The following KLF12 variants were observed in gnomAD, a reference collection of about 807,000 sequenced individuals.
KLF12 encodes KLF transcription factor 12.
In KLF12, 9 loss-of-function variants were observed where a neutral mutation model predicts 37.8. The observed-to-expected ratio is 0.24, with a 90% CI of 0.14 to 0.42. The LOEUF (loss-of-function observed/expected upper bound fraction) is 0.42. Ranked by LOEUF, KLF12 falls within the 10% of genes least tolerant of loss-of-function variation. The pLI is 1.00. For synonymous variants in KLF12, 208 were observed against 202.1 expected (o/e 1.03, Z -0.25); for missense variants, 411 against 516.0 (o/e 0.80, Z 1.97).
chr13:73,771,097 T>C (rs1880237725), intron 5 of KLF12, among the ~76,000 whole-genome samples: 1 of 152,170 alleles, frequency 6.6e-6, no homozygotes, highest in African/African-American at 2.4e-5. Flanking sequence ...GGTGATTAGC[T>C]GATGCTCAAC....
At chr13:74,086,620 T>C (rs1875320573) in intron 1 of KLF12, among the ~76,000 whole-genome samples, 1 of 152,120 alleles carries the variant, frequency 6.6e-6, no homozygotes, top group Admixed American at 6.5e-5. Context: ...ACTATTATAT[T>C]GCTCTTTGTA....
chr13:73,885,912 G>A (rs1887200738), intron 3 of KLF12, among the ~76,000 whole-genome samples: 1 of 152,146 alleles, frequency 6.6e-6, no homozygotes, highest in African/African-American at 2.4e-5. Context: ...AACTGGATGT[G>A]GAATGTGAAG....
At chr13:74,280,750 C>G in the KLF12 span, among the ~76,000 whole-genome samples, 1 of 151,772 alleles carries the variant, frequency 6.6e-6, no homozygotes, top group Non-Finnish European at 1.5e-5. Context: ...GTGAATTTTT[C>G]TATCTACCCT....
intron 1 of KLF12, among the ~76,000 whole-genome samples, chr13:74,060,324 T>A (rs1034855717): frequency 3.3e-5 from 5 of 152,186 alleles, no homozygotes; most frequent in Admixed American, 1.3e-4. Flanking sequence ...AGAAATTGTG[T>A]CGAATCTGTA....
chr13:74,163,143 T>G, the KLF12 span, among the ~76,000 whole-genome samples: 1 of 152,152 alleles, frequency 6.6e-6, no homozygotes, highest in African/African-American at 2.4e-5. Context: ...GGAATGCAAA[T>G]TAGTACAACT....
At chr13:73,853,820 T>C (rs1885464879) in intron 3 of KLF12, among the ~76,000 whole-genome samples, 1 of 152,116 alleles carries the variant, frequency 6.6e-6, no homozygotes, top group Non-Finnish European at 1.5e-5. Flanking sequence ...CATAAATGTG[T>C]TCCAGATAAA....
At chr13:74,000,061 C>A (rs900932122) in intron 1 of KLF12, among the ~76,000 whole-genome samples, 6 of 152,068 alleles carry the variant, frequency 3.9e-5, no homozygotes, top group Non-Finnish European at 7.4e-5. Flanking sequence ...AGCCCTCCTC[C>A]CCACTTTTTT....
At chr13:74,214,536 G>C in the KLF12 span, among the ~76,000 whole-genome samples, 10 of 152,110 alleles carry the variant, frequency 6.6e-5, no homozygotes, top group African/African-American at 2.4e-4. Flanking sequence ...GTTGGGAACA[G>C]AATTTTAGCG....
chr13:74,063,099 C>T (rs750204384), intron 1 of KLF12, among the ~76,000 whole-genome samples: 4 of 152,190 alleles, frequency 2.6e-5, no homozygotes, highest in Admixed American at 6.5e-5. Context: ...CCAGCTGCCT[C>T]GGTGCACCAT....
Position 73,916,412 on chromosome 13 carries a change from A to G in KLF12, c.123+27569T>C, listed in dbSNP as rs544584256. Among the ~76,000 whole-genome samples the G allele has an allele frequency of 1.7e-4, 26 of 152,284 alleles. No individual in the cohort carries two copies. In the East Asian group the frequency reaches 4.6e-3, roughly 27 times the overall value. ...ACCAGAGCTATCAAACATCTAGTAA[A>G]TATCTCTGCCTCACTATAGCAGAGG... On this transcript the variant is annotated intron_variant, in intron 3 of 7. Coordinates refer to ENST00000377669, the MANE Select transcript of KLF12 (RefSeq NM_007249.5).
intron 1 of KLF12, among the ~76,000 whole-genome samples, chr13:74,066,225 T>A (rs1873907652): frequency 6.6e-6 from 1 of 152,162 alleles, no homozygotes; most frequent in Non-Finnish European, 1.5e-5. Context: ...TCTCAAAAAG[T>A]CGACTGAAGC....
chr13:74,268,909 T>G, the KLF12 span, among the ~76,000 whole-genome samples: 3 of 152,208 alleles, frequency 2.0e-5, no homozygotes, highest in South Asian at 4.1e-4. Context: ...AGAGGGATTA[T>G]AGTGCTGTCT....
intron 1 of KLF12, 85 bp from the exon 2 acceptor site, chr13:73,995,138 A>G (rs906976675): frequency 2.2e-5 from 18 of 817,132 alleles, no homozygotes; most frequent in Non-Finnish European, 3.5e-5. Context: ...AATACATCTT[A>G]ATTCTACAGT....
rs1405577828 is a variant in KLF12 at position 73,734,612 on chromosome 13, C to G, written c.870-19087G>C. 2.0e-5 allele frequency among the ~76,000 whole-genome samples: 3 copies of G among 149,946 alleles called. No homozygotes were observed. In the Admixed American group the frequency reaches 2.0e-4, roughly 10 times the overall value. On this transcript the variant is annotated intron_variant, in intron 6 of 7. Coordinates refer to ENST00000377669, the MANE Select transcript of KLF12 (RefSeq NM_007249.5). ...AATATTTTTAAAATGTCTTTTCTTC[C>G]TTTTTTGGGGGGGTGGGGGAAACAT...
chr13:73,795,301 A>G (rs1258947341), intron 5 of KLF12, among the ~76,000 whole-genome samples: 1 of 152,210 alleles, frequency 6.6e-6, no homozygotes, highest in African/African-American at 2.4e-5. Context: ...ATTTAAATTC[A>G]CTGGAAATTC....
chr13:74,072,677 T>C lies in KLF12; in HGVS notation c.-32+61062A>G, dbSNP rs919060171. On this transcript the variant is annotated intron_variant, in intron 1 of 7. Coordinates refer to ENST00000377669, the MANE Select transcript of KLF12 (RefSeq NM_007249.5). Reference sequence around the variant, plus strand: ...GAGCTGCAAGCTGTGATGGCTCCACTGCACGCCACCCGGGTGACAGAGCAA... The same window carrying C: ...GAGCTGCAAGCTGTGATGGCTCCACCGCACGCCACCCGGGTGACAGAGCAA... 6.6e-5 allele frequency among the ~76,000 whole-genome samples: 10 copies of C among 152,112 alleles called. No homozygotes were observed. The East Asian group carries it at 1.9e-3, about 30-fold the overall frequency.
intron 1 of KLF12, among the ~76,000 whole-genome samples, chr13:74,045,695 G>A (rs763002545): frequency 1.3e-5 from 2 of 151,678 alleles, no homozygotes; most frequent in East Asian, 1.9e-4. Context: ...GTTCTCCCAC[G>A]TATTTGCATG....
chr13:74,073,730 G>A (rs981917376), intron 1 of KLF12, among the ~76,000 whole-genome samples: 2 of 152,110 alleles, frequency 1.3e-5, no homozygotes, highest in African/African-American at 4.8e-5. Flanking sequence ...GATTGAGGGG[G>A]GAATGCAGTG....
the KLF12 span, among the ~76,000 whole-genome samples, chr13:74,177,274 A>G: frequency 4.6e-5 from 7 of 152,224 alleles, no homozygotes; most frequent in African/African-American, 1.7e-4. Flanking sequence ...CTGAGAGGGA[A>G]GGTGAACAAG....
Sources: gnomAD v4.1 joint callset for allele counts (sites outside exome capture counted in the v4.1 genomes callset) on GRCh38, gnomAD v4.1.1 for gene constraint, MANE v1.5 for transcripts, NCBI Gene and HGNC (gene_info 2026-07-23, HGNC 2026-07-21) for gene names.